The following GRIN2A variants were observed in gnomAD, a reference collection of about 807,000 sequenced individuals.
The protein encoded by GRIN2A is glutamate receptor ionotropic, NMDA 2A.
A neutral mutation model predicts 113.4 loss-of-function variants in GRIN2A; 22 were observed. The ratio of observed to expected loss-of-function variants is 0.19; its 90% CI spans 0.14 to 0.28. The LOEUF (loss-of-function observed/expected upper bound fraction) is 0.28, where lower values mean the gene tolerates loss of function less well. GRIN2A is among the 10% of genes least tolerant of loss of function. The pLI is 1.00. For synonymous variants in GRIN2A, 827 were observed against 738.4 expected (o/e 1.12, Z -1.94); for missense variants, 1,502 against 1,887.0 (o/e 0.80, Z 3.78).
intron 11 of GRIN2A, among the ~76,000 whole-genome samples, chr16:9,778,796 T>A (rs1192455365): frequency 6.6e-6 from 1 of 152,260 alleles, no homozygotes; most frequent in Non-Finnish European, 1.5e-5. Context: ...AGCTCTTGTC[T>A]GACCCATGTC....
intron 2 of GRIN2A, among the ~76,000 whole-genome samples, chr16:10,022,733 T>C (rs1441763491): frequency 6.6e-6 from 1 of 152,176 alleles, no homozygotes; most frequent in East Asian, 1.9e-4. Flanking sequence ...TGGAACTGTT[T>C]TTCCATAAAT....
At chr16:10,152,198 GT>G (rs1883698276) in intron 2 of GRIN2A, among the ~76,000 whole-genome samples, 1 of 152,204 alleles carries the variant, frequency 6.6e-6, no homozygotes, top group Admixed American at 6.5e-5. Flanking sequence ...ATCCAAGAAT[GT>G]GGCTAGTGCC....
At chr16:10,011,509 C>T (rs1210044256) in intron 2 of GRIN2A, among the ~76,000 whole-genome samples, 2 of 152,122 alleles carry the variant, frequency 1.3e-5, no homozygotes, top group Non-Finnish European at 2.9e-5. Flanking sequence ...CACTCATTCT[C>T]CAAACATTTC....
chr16:10,021,416 A>C (rs956438128), intron 2 of GRIN2A, among the ~76,000 whole-genome samples: 12 of 152,324 alleles, frequency 7.9e-5, no homozygotes, highest in Admixed American at 7.2e-4. Flanking sequence ...ATATCCCAGC[A>C]GCTGGTAAGT....
chr16:10,114,032 A>C (rs1428888673), intron 2 of GRIN2A, among the ~76,000 whole-genome samples: 3 of 151,988 alleles, frequency 2.0e-5, no homozygotes, highest in Admixed American at 1.3e-4. Context: ...AAAAGAAAAA[A>C]AAAGATTTAA....
chr16:10,083,572 C>G (rs2048025378), intron 2 of GRIN2A, among the ~76,000 whole-genome samples: 1 of 152,246 alleles, frequency 6.6e-6, no homozygotes, highest in Non-Finnish European at 1.5e-5. Flanking sequence ...CTACTCCTGT[C>G]TGCATCCTGG....
At chr16:9,813,057 C>T (rs1044882484) in intron 10 of GRIN2A, among the ~76,000 whole-genome samples, 3 of 152,210 alleles carry the variant, frequency 2.0e-5, no homozygotes, top group African/African-American at 7.2e-5. Flanking sequence ...TGCTACAGGA[C>T]GACATTCTCC....
At chr16:10,021,188 T>A (rs539731642) in intron 2 of GRIN2A, among the ~76,000 whole-genome samples, 1 of 152,320 alleles carries the variant, frequency 6.6e-6, no homozygotes, top group South Asian at 2.1e-4. Flanking sequence ...CTAAGCAGCC[T>A]GTACCTTCCC....
intron 9 of GRIN2A, among the ~76,000 whole-genome samples, chr16:9,829,186 G>A (rs556746758): frequency 2.6e-5 from 4 of 152,280 alleles, no homozygotes; most frequent in East Asian, 1.9e-4. Flanking sequence ...ACGACCACTC[G>A]GGGAAGCCAG....
intron 2 of GRIN2A, among the ~76,000 whole-genome samples, chr16:9,972,498 C>T (rs1016240134): frequency 6.6e-6 from 1 of 151,834 alleles, no homozygotes; most frequent in African/African-American, 2.4e-5. Flanking sequence ...GCTATTCTAA[C>T]AATACACTTA....
intron 2 of GRIN2A, among the ~76,000 whole-genome samples, chr16:9,983,532 C>A (rs1450620181): frequency 6.6e-6 from 1 of 151,276 alleles, no homozygotes; most frequent in African/African-American, 2.4e-5. Context: ...CTTCGCCTCC[C>A]GGGTTCACAC....
At chr16:9,813,132 T>C (rs1266406255) in intron 10 of GRIN2A, among the ~76,000 whole-genome samples, 1 of 152,232 alleles carries the variant, frequency 6.6e-6, no homozygotes, top group Non-Finnish European at 1.5e-5. Flanking sequence ...TGTAGTACCC[T>C]TCAGTGCTAG....
intron 2 of GRIN2A, among the ~76,000 whole-genome samples, chr16:10,177,303 C>A (rs913950459): frequency 6.6e-6 from 1 of 152,140 alleles, no homozygotes; most frequent in African/African-American, 2.4e-5. Flanking sequence ...TTGGTATCAC[C>A]CAACTCCTCT....
intron 2 of GRIN2A, among the ~76,000 whole-genome samples, chr16:10,145,612 C>A (rs999628138): frequency 6.6e-6 from 1 of 151,982 alleles, no homozygotes; most frequent in Non-Finnish European, 1.5e-5. Context: ...ATCTCCATAG[C>A]AATAAGTTTA....
Position 9,822,339 on chromosome 16 carries a change from T to C in GRIN2A, c.2093A>G (p.Tyr698Cys). The C allele has an allele frequency of 6.2e-7, 1 of 1,611,388 alleles. No individual in the cohort carries two copies. The highest frequency in any genetic ancestry group is 8.5e-7 in the Non-Finnish European group (1 of 1,177,566). The change falls in exon 10 of 13, where the codon TAT becomes TGT. Residue 698 changes from tyrosine (Y) to cysteine (C), a missense_variant. Tyr to Cys is a radical substitution (Grantham distance 194, BLOSUM62 -2). Transcript: ENST00000330684. ...GGTCATGTACTGATGCATGTAGGGA[T>C]AGTTATTCCGAATGTTTCTCTCCGT... ...GSTERNIRNN[Y>C]PYMHQYMTKF...
chr16:10,095,330 A>T (rs1281633030), intron 2 of GRIN2A, among the ~76,000 whole-genome samples: 1 of 152,240 alleles, frequency 6.6e-6, no homozygotes, highest in Non-Finnish European at 1.5e-5. Flanking sequence ...GTGTCAAAAG[A>T]ATACAAGAGC....
At chr16:10,106,468 C>A (rs1159058991) in intron 2 of GRIN2A, among the ~76,000 whole-genome samples, 1 of 151,776 alleles carries the variant, frequency 6.6e-6, no homozygotes, top group Non-Finnish European at 1.5e-5. Context: ...CAAATCCCAC[C>A]ACTCTAGTAC....
chr16:10,020,979 C>T (rs532269355), intron 2 of GRIN2A, among the ~76,000 whole-genome samples: 37 of 152,250 alleles, frequency 2.4e-4, no homozygotes, highest in African/African-American at 8.2e-4. Flanking sequence ...CAAACTTCTC[C>T]CTCTCACCTC....
At chr16:9,780,273 C>T (rs1178766074) in intron 11 of GRIN2A, among the ~76,000 whole-genome samples, 1 of 152,146 alleles carries the variant, frequency 6.6e-6, no homozygotes, top group Non-Finnish European at 1.5e-5. Flanking sequence ...ATTTCCAAAC[C>T]AATAAGTGCC....
Sources: allele counts gnomAD v4.1 joint callset (sites outside exome capture counted in the v4.1 genomes callset), GRCh38; gene constraint gnomAD v4.1.1; transcripts MANE v1.5; gene names NCBI Gene and HGNC (gene_info 2026-07-23, HGNC 2026-07-21).